Variants in RAPGEF6 observed in about 807,000 individuals in gnomAD.
The protein encoded by RAPGEF6 is Rap guanine nucleotide exchange factor 6.
In RAPGEF6, 56 loss-of-function variants were observed where a neutral mutation model predicts 171.4. The ratio of observed to expected loss-of-function variants is 0.33; its 90% CI spans 0.26 to 0.41. The LOEUF (loss-of-function observed/expected upper bound fraction) is 0.41. RAPGEF6 is among the 10% of genes least tolerant of loss of function. The pLI is 1.00. For synonymous variants in RAPGEF6, 692 were observed against 650.1 expected (o/e 1.06, Z -0.98); for missense variants, 1,674 against 1,921.4 (o/e 0.87, Z 2.41).
At chr5:131,433,889 A>C (rs1356550179) in intron 24 of RAPGEF6, among the ~76,000 whole-genome samples, 3 of 152,200 alleles carry the variant, frequency 2.0e-5, no homozygotes, top group South Asian at 4.1e-4. Flanking sequence ...CATTCAAGAA[A>C]AAGACAGTCA....
rs1763935039 is a variant in RAPGEF6, at chr5:131,596,866, C to T, written c.198-4400G>A. On this transcript the variant is annotated intron_variant, in intron 3 of 27. Transcript: ENST00000509018. Reference sequence around the variant, plus strand: ...TAAAGCGAAGACCTCAAAACACAGGCAACAGAAACAAAAACAGATAAATCT... The same window carrying T: ...TAAAGCGAAGACCTCAAAACACAGGTAACAGAAACAAAAACAGATAAATCT... Among the ~76,000 whole-genome samples the T allele has an allele frequency of 3.3e-5, 5 of 152,096 alleles. No individual in the cohort carries two copies. In the South Asian group the frequency reaches 1.0e-3, roughly 31 times the overall value.
At chr5:131,548,298 GA>G in intron 5 of RAPGEF6, 108 bp from the exon 6 acceptor site, 1 of 1,111,156 alleles carries the variant, frequency 9.0e-7, no homozygotes, top group Non-Finnish European at 1.3e-6. Flanking sequence ...CTTCTTACAA[GA>G]AACTGCCTCA....
chr5:131,456,139 TAAAC>T (rs2149827989), intron 19 of RAPGEF6, 127 bp from the exon 20 acceptor site: 1 of 632,816 alleles, frequency 1.6e-6, no homozygotes, highest in South Asian at 2.3e-5. Context: ...CACATTGAAA[TAAAC>T]AAGAGAAAAA....
At chr5:131,547,973 A>G in intron 6 of RAPGEF6, 74 bp downstream of exon 6, 1 of 1,504,210 alleles carries the variant, frequency 6.6e-7, no homozygotes, top group East Asian at 2.3e-5. Flanking sequence ...GATATTACCA[A>G]AGATACATGT....
intron 20 of RAPGEF6, 61 bp downstream of exon 20, chr5:131,455,740 C>A: frequency 7.0e-7 from 1 of 1,431,532 alleles, no homozygotes; most frequent in South Asian, 1.2e-5. Context: ...ACACAAAAAT[C>A]AATTCAGGTA....
At chr5:131,604,272 T>C (rs1764417013) in intron 2 of RAPGEF6, among the ~76,000 whole-genome samples, 1 of 152,206 alleles carries the variant, frequency 6.6e-6, no homozygotes, top group Admixed American at 6.5e-5. Flanking sequence ...TGTGTTTTGC[T>C]TTAGGTACTT....
intron 4 of RAPGEF6, among the ~76,000 whole-genome samples, chr5:131,572,086 T>C (rs1480276740): frequency 6.6e-6 from 1 of 152,164 alleles, no homozygotes; most frequent in Non-Finnish European, 1.5e-5. Flanking sequence ...CTCAGCCCAC[T>C]TGAACCCAAG....
chr5:131,504,984 A>G (rs1757273554), intron 10 of RAPGEF6, among the ~76,000 whole-genome samples: 1 of 152,198 alleles, frequency 6.6e-6, no homozygotes, highest in Non-Finnish European at 1.5e-5. Flanking sequence ...TTGCTCTTTA[A>G]AAGGAGAAGT....
chr5:131,432,970 T>A (rs904156697), intron 25 of RAPGEF6, among the ~76,000 whole-genome samples: 19 of 152,192 alleles, frequency 1.2e-4, no homozygotes, highest in Admixed American at 1.2e-3. Context: ...TGATTTTTTT[T>A]TTTAATTAAC....
intron 5 of RAPGEF6, 21 bp from the exon 6 acceptor site, chr5:131,548,211 C>T: frequency 6.2e-7 from 1 of 1,609,920 alleles, no homozygotes; most frequent in Non-Finnish European, 8.5e-7. Flanking sequence ...TGTTCATATT[C>T]CTGATGAAAT....
rs925894183 is a variant in RAPGEF6, at chr5:131,433,623, AGTT to A, written c.3778_3780del (p.Asn1260del). On this transcript the variant is annotated inframe_deletion, in exon 25 of 28. Coordinates refer to ENST00000509018, the MANE Select transcript of RAPGEF6 (RefSeq NM_016340.6). ...ATCTCACTATGGCTGGAGTCAGACAAGTTGTCAGATTTAGCTGATGGAATAAGT... is the reference window on the plus strand; with the variant it reads ...ATCTCACTATGGCTGGAGTCAGACAAGTCAGATTTAGCTGATGGAATAAGT... 6.8e-6 allele frequency: 11 copies of A among 1,613,218 alleles called. No homozygotes were observed. Among genetic ancestry groups the A allele is most frequent in the Non-Finnish European group, 9.3e-6 (11 of 1,179,298 alleles).
intron 3 of RAPGEF6, among the ~76,000 whole-genome samples, chr5:131,601,281 A>C (rs577830233): frequency 6.6e-6 from 1 of 151,568 alleles, no homozygotes; most frequent in South Asian, 2.1e-4. Flanking sequence ...GCTACTCGGG[A>C]GGCTGAAGCA....
At chr5:131,451,571 C>G (rs929213820) in intron 21 of RAPGEF6, among the ~76,000 whole-genome samples, 12 of 151,926 alleles carry the variant, frequency 7.9e-5, no homozygotes, top group Non-Finnish European at 2.9e-5. Context: ...CCTGGGCAAC[C>G]AGAGTGAGAG....
intron 18 of RAPGEF6, among the ~76,000 whole-genome samples, chr5:131,462,880 T>C (rs1218506939): frequency 6.6e-6 from 1 of 152,218 alleles, no homozygotes; most frequent in Non-Finnish European, 1.5e-5. Flanking sequence ...GAAACTCTTT[T>C]TTCTGCTTTT....
At chr5:131,605,283 T>C (rs1764488298) in intron 1 of RAPGEF6, among the ~76,000 whole-genome samples, 1 of 152,164 alleles carries the variant, frequency 6.6e-6, no homozygotes, top group Non-Finnish European at 1.5e-5. Flanking sequence ...TGACATAGTA[T>C]AACCTCAACT....
At chr5:131,484,860 A>G (rs1018016746) in intron 15 of RAPGEF6, among the ~76,000 whole-genome samples, 2 of 152,210 alleles carry the variant, frequency 1.3e-5, no homozygotes, top group Admixed American at 6.5e-5. Flanking sequence ...TATTTTTAGT[A>G]TTTTAGTTTT....
chr5:131,566,313 C>CT (rs1456496449), intron 4 of RAPGEF6, among the ~76,000 whole-genome samples: 1 of 152,074 alleles, frequency 6.6e-6, no homozygotes, highest in Admixed American at 6.5e-5. Context: ...TTCCCAGAAG[C>CT]TTTTTCTGCA....
At chr5:131,473,036 T>C (rs911915062) in intron 16 of RAPGEF6, 1 of 303,342 alleles carries the variant, frequency 3.3e-6, no homozygotes, top group African/African-American at 2.2e-5. Flanking sequence ...TGAACCTGAG[T>C]ATTTAGGGAA....
chr5:131,634,873 G>T (rs1766539225), intron 1 of RAPGEF6, 89 bp downstream of exon 1: 4 of 1,439,478 alleles, frequency 2.8e-6, no homozygotes, highest in Admixed American at 3.4e-5. Context: ...CGAGACTCTG[G>T]CAAGAGGGCA....
Sources: gnomAD v4.1 joint callset for allele counts (sites outside exome capture counted in the v4.1 genomes callset) on GRCh38, gnomAD v4.1.1 for gene constraint, MANE v1.5 for transcripts, NCBI Gene and HGNC (gene_info 2026-07-23, HGNC 2026-07-21) for gene names.